The following CHRNA5 variants were observed in gnomAD, a reference collection of about 807,000 sequenced individuals.
CHRNA5 encodes the protein neuronal acetylcholine receptor subunit alpha-5.
Under a neutral mutation model 41.2 loss-of-function variants are expected in CHRNA5, and 28 were observed. That is an observed-to-expected ratio of 0.68 (90% confidence interval 0.50 to 0.93). CHRNA5 has a LOEUF of 0.93. Among genes scored for constraint, CHRNA5 ranks in the 40% least tolerant of loss-of-function variants. CHRNA5 has a pLI of 0.00. For synonymous variants in CHRNA5, 188 were observed against 205.8 expected (o/e 0.91, Z 0.74); for missense variants, 481 against 581.9 (o/e 0.83, Z 1.78).
chr15:78,582,494 AAG>A (rs1491418638), intron 2 of CHRNA5, among the ~76,000 whole-genome samples: 8 of 76,876 alleles, frequency 1.0e-4, no homozygotes, highest in Admixed American at 2.3e-4. Flanking sequence ...CAAAAAAAAA[AAG>A]AAAAGAAAAG....
chr15:78,567,023 C>A (rs1175474824), intron 1 of CHRNA5, among the ~76,000 whole-genome samples: 1 of 152,026 alleles, frequency 6.6e-6, no homozygotes, highest in Non-Finnish European at 1.5e-5. Flanking sequence ...GAGGCCGAGG[C>A]GGGCAGATCA....
chr15:78,590,531 T>C lies in CHRNA5; in HGVS notation c.1140T>C (p.Thr380=), dbSNP rs1435729991. 4 of 1,614,076 alleles carry C rather than the reference T, an allele frequency of 2.5e-6. No homozygotes were observed. In the African/African-American group the frequency reaches 4.0e-5, roughly 16 times the overall value. Reference sequence around the variant, plus strand: ...GGTACTTCACTCAGAAAGAGGAAACTGAGAGTGGTAGTGGACCAAAATCTT... The same window carrying C: ...GGTACTTCACTCAGAAAGAGGAAACCGAGAGTGGTAGTGGACCAAAATCTT... Residue 380 remains threonine, a synonymous_variant, in exon 5 of 6, where the codon ACT becomes ACC. Coordinates refer to ENST00000299565, the Ensembl canonical transcript of CHRNA5.
intron 1 of CHRNA5, among the ~76,000 whole-genome samples, chr15:78,575,496 G>T (rs1455608979): frequency 6.6e-6 from 1 of 152,006 alleles, no homozygotes; most frequent in African/African-American, 2.4e-5. Context: ...TTATTATTTG[G>T]TTTCAAGAAG....
chr15:78,584,177 T>C (rs931095281), intron 2 of CHRNA5, among the ~76,000 whole-genome samples: 4 of 152,140 alleles, frequency 2.6e-5, no homozygotes, highest in African/African-American at 9.7e-5. Context: ...TTCACTGAAT[T>C]GTGTCTGAGA....
chr15:78,571,923 G>A (rs1046393625), intron 1 of CHRNA5, among the ~76,000 whole-genome samples: 4 of 151,970 alleles, frequency 2.6e-5, no homozygotes, highest in African/African-American at 4.8e-5. Flanking sequence ...AAATGGTTAC[G>A]TTCACTGCTT....
intron 1 of CHRNA5, among the ~76,000 whole-genome samples, chr15:78,579,109 A>G (rs930383382): frequency 2.0e-5 from 3 of 151,074 alleles, no homozygotes; most frequent in East Asian, 1.9e-4. Context: ...TCTTTTTAGT[A>G]TATTTAATGG....
At chr15:78,593,279 A>AT in exon 6 of CHRNA5, 1 of 1,576,932 alleles carries the variant, frequency 6.3e-7, no homozygotes, top group Non-Finnish European at 8.6e-7. Flanking sequence ...TGAAGTATAC[A>AT]TTTAGTTAAC....
At chr15:78,585,880 G>T (rs1306278158) in intron 2 of CHRNA5, among the ~76,000 whole-genome samples, 2 of 147,388 alleles carry the variant, frequency 1.4e-5, no homozygotes, top group African/African-American at 5.0e-5. Flanking sequence ...TGCCTCCCGG[G>T]TTCAAGCAAT....
chr15:78,590,629 T>A, exon 5 of CHRNA5: 2 of 1,609,112 alleles, frequency 1.2e-6, no homozygotes, highest in Non-Finnish European at 1.7e-6. Context: ...GAAAATGATG[T>A]CCGTGAGGTC....
chr15:78,588,168 C>A lies in CHRNA5; in HGVS notation c.304-146C>A. The A allele has an allele frequency of 2.1e-6, 1 of 472,168 alleles. No homozygotes were observed. The highest frequency in any genetic ancestry group is 3.9e-5 in the Admixed American group (1 of 25,870). The allele number at this position is 472,168 out of a possible 1,614,324, so 29.2% of individuals were successfully genotyped here. A position where few individuals can be genotyped will look rare whatever the true frequency, so the allele number is the denominator to read the frequency against. On this transcript the variant is annotated intron_variant, in intron 3 of 5. Coordinates refer to ENST00000299565, the Ensembl canonical transcript of CHRNA5. This position sits in a 1 kb window ranked among gnomAD's most constrained non-coding sequence, Gnocchi z 4.1. ...CAAGGGGACAGGGTTATCTGGTGCC[C>A]ATAATAAGAAAGACAGGGAGGTGTT...
At chr15:78,587,666 T>A (rs75355296) in intron 3 of CHRNA5, among the ~76,000 whole-genome samples, 1 of 60,500 alleles carries the variant, frequency 1.7e-5, no homozygotes, top group Non-Finnish European at 2.6e-5. Flanking sequence ...ATGAAATGAA[T>A]TTTTTTTTAA....
intron 1 of CHRNA5, among the ~76,000 whole-genome samples, chr15:78,578,960 C>T (rs879523892): frequency 6.6e-6 from 1 of 152,030 alleles, no homozygotes; most frequent in Admixed American, 6.5e-5. Flanking sequence ...TATTTGAGCT[C>T]TGTAGTAGCA....
chr15:78,592,767 A>G (rs1482390883), intron 5 of CHRNA5, among the ~76,000 whole-genome samples: 2 of 151,940 alleles, frequency 1.3e-5, no homozygotes, highest in African/African-American at 2.4e-5. Flanking sequence ...CTGGGCAAGA[A>G]TAAGTATATA....
chr15:78,573,714 A>G (rs567948898), intron 1 of CHRNA5, among the ~76,000 whole-genome samples: 1 of 152,190 alleles, frequency 6.6e-6, no homozygotes, highest in Non-Finnish European at 1.5e-5. Flanking sequence ...CTTTTTTCCA[A>G]ATCATTACCT....
chr15:78,578,367 G>T (rs888529509), intron 1 of CHRNA5, among the ~76,000 whole-genome samples: 1 of 152,158 alleles, frequency 6.6e-6, no homozygotes, highest in African/African-American at 2.4e-5. Context: ...AATTAGCCAG[G>T]CGTGGTGGCG....
In CHRNA5 at chr15:78,567,028, A is replaced by G. The variant is rs373932520; in HGVS notation, c.106+1203A>G. On this transcript the variant is annotated intron_variant, in intron 1 of 5. Coordinates refer to ENST00000299565, the Ensembl canonical transcript of CHRNA5. ...AGCACTTTGGGAGGCCGAGGCGGGC[A>G]GATCACGAGGTCAGGAGATCGAGAC... Among the ~76,000 whole-genome samples the G allele has an allele frequency of 9.1e-3, 1,391 of 152,072 alleles. 34 individuals carry two copies. The highest frequency in any genetic ancestry group is 0.03 in the African/African-American group (1,260 of 41,478).
At chr15:78,571,753 A>G (rs377199817) in intron 1 of CHRNA5, among the ~76,000 whole-genome samples, 4 of 152,166 alleles carry the variant, frequency 2.6e-5, no homozygotes, top group African/African-American at 7.2e-5. Context: ...ACTTTATCCT[A>G]TAATTCTGTG....
intron 2 of CHRNA5, among the ~76,000 whole-genome samples, chr15:78,585,960 ATT>A (rs5813929): frequency 3.3e-4 from 48 of 147,204 alleles, no homozygotes; most frequent in Admixed American, 3.4e-4. Context: ...AATTTTTTGT[ATT>A]TTTTTTTTTT....
At chr15:78,577,597 G>C (rs574810564) in intron 1 of CHRNA5, among the ~76,000 whole-genome samples, 5 of 152,226 alleles carry the variant, frequency 3.3e-5, no homozygotes, top group Non-Finnish European at 7.4e-5. Context: ...ACTCAAGCTA[G>C]TTTTTCCCCC....
Sources: gnomAD v4.1 joint callset for allele counts (sites outside exome capture counted in the v4.1 genomes callset) on GRCh38, gnomAD v4.1.1 for gene constraint, Gnocchi (gnomAD v3.1) non-coding constraint, MANE v1.5 for transcripts, NCBI Gene and HGNC (gene_info 2026-07-23, HGNC 2026-07-21) for gene names.